RAB3GAP2: variants seen among roughly 807,000 people sequenced by gnomAD.
RAB3GAP2 encodes the protein rab3 GTPase-activating protein non-catalytic subunit.
Under a neutral mutation model 185.3 loss-of-function variants are expected in RAB3GAP2, and 87 were observed. The ratio of observed to expected loss-of-function variants is 0.47; its 90% confidence interval spans 0.39 to 0.56. The LOEUF (loss-of-function observed/expected upper bound fraction) is 0.56. Ranked by LOEUF, RAB3GAP2 falls within the 20% of genes least tolerant of loss-of-function variation. The pLI, the probability that RAB3GAP2 is intolerant of heterozygous loss-of-function variation, is 0.00. For synonymous variants in RAB3GAP2, 554 were observed against 576.1 expected, an observed-to-expected ratio of 0.96 and a Z score of 0.55; for missense variants, 1,492 against 1,638.2, an observed-to-expected ratio of 0.91 and a Z score of 1.54.
chr1:220,152,999 G>A (rs1246675285), intron 33 of RAB3GAP2, among the ~76,000 whole-genome samples, 186 bp downstream of exon 33: 3 of 152,132 alleles, frequency 2.0e-5, no homozygotes, highest in African/African-American at 7.2e-5. Flanking sequence ...GGCAGGCCTG[G>A]CACACTGTAG....
At chr1:220,234,870 G>A (rs1659563491) in intron 1 of RAB3GAP2, among the ~76,000 whole-genome samples, 1 of 152,234 alleles carries the variant, frequency 6.6e-6, no homozygotes, top group African/African-American at 2.4e-5. Flanking sequence ...GCAGAAAGAT[G>A]CAATGTATAT....
At chr1:220,265,296 T>C (rs1660209954) in intron 1 of RAB3GAP2, among the ~76,000 whole-genome samples, 1 of 152,090 alleles carries the variant, frequency 6.6e-6, no homozygotes, top group African/African-American at 2.4e-5. Context: ...AAAACATGAA[T>C]TGATTATTTC....
At position 220,182,760 on chromosome 1, in the gene RAB3GAP2, G is replaced by C. The variant is rs754686734; in HGVS notation, c.2170C>G (p.Leu724Val). ...LEYLEYEKDV[L>V]NIKKISEEEY... is the part of the protein sequence containing the mutation. ...TCTTCACTTATTTTCTTTATGTTGAGCACATCCTTTTCATATTCTAAATAT... is the reference window on the plus strand; with the variant it reads ...TCTTCACTTATTTTCTTTATGTTGACCACATCCTTTTCATATTCTAAATAT... The change falls in exon 20 of 35, where the codon CTC becomes GTC. Residue 724 changes from leucine to valine, a missense_variant. This residue lies in a region of RAB3GAP2 where 681 missense variants were observed against 689.1 expected (regional missense o/e 0.99). Coordinates refer to ENST00000358951, the MANE Select transcript of RAB3GAP2 (RefSeq NM_012414.4). The C allele has an allele frequency of 8.1e-5, 130 of 1,611,188 alleles. No homozygotes were observed. Among genetic ancestry groups the C allele is most frequent in the Non-Finnish European group, 1.1e-4 (127 of 1,179,482 alleles).
In RAB3GAP2 at chr1:220,151,158, T is replaced by C. The variant is rs532958413; in HGVS notation, c.*93A>G. On this transcript the variant is annotated 3_prime_UTR_variant, in exon 35 of 35. Transcript: ENST00000358951. Reference sequence around the variant, plus strand: ...ACAAAAGGAAAAAAAAAGACATACTTTTCCCATAAAATTCCAGGTCTTACT... The same window carrying C: ...ACAAAAGGAAAAAAAAAGACATACTCTTCCCATAAAATTCCAGGTCTTACT... 2 of 1,331,896 alleles carry C rather than the reference T, an allele frequency of 1.5e-6. No individual in the cohort carries two copies. Among genetic ancestry groups the C allele is most frequent in the African/African-American group, 1.5e-5 (1 of 67,696 alleles). The allele number at this position is 1,331,896 out of a possible 1,614,324, so 82.5% of individuals were successfully genotyped here. A position where few individuals can be genotyped will look rare whatever the true frequency, so the allele number is the denominator to read the frequency against.
At chr1:220,200,176 C>T (rs920810205) in intron 9 of RAB3GAP2, among the ~76,000 whole-genome samples, 2 of 152,152 alleles carry the variant, frequency 1.3e-5, no homozygotes, top group African/African-American at 4.8e-5. Flanking sequence ...GGCCTATATC[C>T]CTGATGCTCC....
At chr1:220,232,007 A>G (rs1219045254) in intron 2 of RAB3GAP2, among the ~76,000 whole-genome samples, 1 of 152,226 alleles carries the variant, frequency 6.6e-6, no homozygotes, top group East Asian at 1.9e-4. Context: ...AGCCAATTAA[A>G]GTTAGATTTT....
chr1:220,233,070 T>G (rs1288854770), intron 1 of RAB3GAP2, among the ~76,000 whole-genome samples: 3 of 152,206 alleles, frequency 2.0e-5, no homozygotes, highest in Admixed American at 2.0e-4. Flanking sequence ...AATTTATATA[T>G]TAGCAAAATT....
chr1:220,212,213 A>G (rs1327596887), intron 4 of RAB3GAP2, among the ~76,000 whole-genome samples: 1 of 152,212 alleles, frequency 6.6e-6, no homozygotes, highest in Non-Finnish European at 1.5e-5. Flanking sequence ...GTACCCTTCA[A>G]GTATAAGCCC....
chr1:220,241,250 G>T (rs572095463), intron 1 of RAB3GAP2, among the ~76,000 whole-genome samples: 1 of 152,060 alleles, frequency 6.6e-6, no homozygotes, highest in Admixed American at 6.5e-5. Context: ...CCTGAAGCTA[G>T]AAAGGAAATT....
chr1:220,253,007 T>C (rs1659966479), intron 1 of RAB3GAP2, among the ~76,000 whole-genome samples: 1 of 152,186 alleles, frequency 6.6e-6, no homozygotes, highest in South Asian at 2.1e-4. Context: ...CTCCCTGAGA[T>C]GGGTCCAAGT....
intron 1 of RAB3GAP2, chr1:220,253,462 A>T: frequency 6.8e-7 from 1 of 1,478,868 alleles, no homozygotes; most frequent in Non-Finnish European, 9.0e-7. Context: ...CAGGATGTAG[A>T]GCTGGCAGTG....
At chr1:220,229,969 T>C (rs889086770) in intron 2 of RAB3GAP2, among the ~76,000 whole-genome samples, 5 of 152,184 alleles carry the variant, frequency 3.3e-5, no homozygotes, top group African/African-American at 1.2e-4. Flanking sequence ...GTAAGTGCCA[T>C]TTACACTATC....
At chr1:220,267,729 T>C in intron 1 of RAB3GAP2, 1 of 1,568,520 alleles carries the variant, frequency 6.4e-7, no homozygotes, top group South Asian at 1.1e-5. Flanking sequence ...GGAGACAAGC[T>C]TTTGTGCTTG....
At chr1:220,227,448 A>G (rs375110316) in intron 2 of RAB3GAP2, among the ~76,000 whole-genome samples, 10 of 152,308 alleles carry the variant, frequency 6.6e-5, no homozygotes, top group African/African-American at 2.4e-4. Flanking sequence ...AAAATAAGAA[A>G]CTACTCTCAA....
Position 220,218,100 on chromosome 1 carries a change from A to G in RAB3GAP2, c.181-4121T>C, listed in dbSNP as rs945528959. The stretch of plus-strand genomic sequence containing the variant: ...CCTAACCTGCTTAGCCATCTTATAC[A>G]TGTACATTTTTATTTACATGAAACT... On this transcript the variant is annotated intron_variant, in intron 2 of 34. Transcript: ENST00000358951. Among the ~76,000 whole-genome samples the G allele has an allele frequency of 2.0e-5, 3 of 152,232 alleles. No homozygotes were observed. The East Asian group carries it at 5.8e-4, about 29-fold the overall frequency.
intron 21 of RAB3GAP2, among the ~76,000 whole-genome samples, chr1:220,174,662 C>T (rs1362231144): frequency 6.6e-6 from 1 of 152,106 alleles, no homozygotes; most frequent in Non-Finnish European, 1.5e-5. Context: ...TTTTAAAAAA[C>T]AAATATATCT....
At chr1:220,211,393 C>T in intron 4 of RAB3GAP2, 2 of 464,480 alleles carry the variant, frequency 4.3e-6, no homozygotes, top group East Asian at 6.7e-5. Flanking sequence ...CTTCAGCCTG[C>T]CTCTTGTTTG....
Position 220,182,366 on chromosome 1 carries a change from A to C in RAB3GAP2, c.2213-12T>G. 1.2e-6 allele frequency: 2 copies of C among 1,613,996 alleles called. No homozygotes were observed. Among genetic ancestry groups the C allele is most frequent in the Non-Finnish European group, 1.7e-6 (2 of 1,179,926 alleles). On this transcript the variant is annotated splice_polypyrimidine_tract_variant and intron_variant, in intron 20 of 34. Transcript: ENST00000358951. ...AAAAAAGAAACTACCTGGTAGAAGA[A>C]AAACAAAGCACATTAATCAATGACT... is the stretch of plus-strand genomic sequence containing the variant.
chr1:220,180,709 G>A (rs1658387500), intron 21 of RAB3GAP2, among the ~76,000 whole-genome samples: 1 of 152,168 alleles, frequency 6.6e-6, no homozygotes, highest in Admixed American at 6.5e-5. Flanking sequence ...GGAGAGGAGG[G>A]AATACTTCCA....
Sources: allele counts gnomAD v4.1 joint callset (sites outside exome capture counted in the v4.1 genomes callset), GRCh38; gene constraint gnomAD v4.1.1; regional missense constraint gnomAD v4.1.1; transcripts MANE v1.5; gene names NCBI Gene and HGNC (gene_info 2026-07-23, HGNC 2026-07-21).